ITPKC: variants seen among roughly 807,000 people sequenced by gnomAD.
ITPKC encodes the protein inositol-trisphosphate 3-kinase C.
In ITPKC, 33 loss-of-function variants were observed where a neutral mutation model predicts 67.1. That is an observed-to-expected ratio of 0.49 (90% CI 0.37 to 0.66). The LOEUF (loss-of-function observed/expected upper bound fraction) is 0.66, where lower values mean the gene tolerates loss of function less well. ITPKC is among the 30% of genes least tolerant of loss of function. The probability of loss-of-function intolerance (pLI) is 0.00; values close to 1 mark genes in which losing one functional copy is unlikely to be tolerated. For synonymous variants in ITPKC, 341 were observed against 359.8 expected, an observed-to-expected ratio of 0.95 and a Z score of 0.59; for missense variants, 820 against 892.1, an observed-to-expected ratio of 0.92 and a Z score of 1.03.
chr19:40,720,115 C>T (rs1261510313), intron 1 of ITPKC, among the ~76,000 whole-genome samples: 1 of 152,056 alleles, frequency 6.6e-6, no homozygotes, highest in East Asian at 1.9e-4. Flanking sequence ...CCTGTAATCC[C>T]AGCACTTTGG....
intron 1 of ITPKC, among the ~76,000 whole-genome samples, chr19:40,719,764 T>G (rs1409336615): frequency 6.6e-6 from 1 of 152,102 alleles, no homozygotes; most frequent in Non-Finnish European, 1.5e-5. Flanking sequence ...GTGCTGGAAT[T>G]ACCAGCATGA....
At chr19:40,728,701 C>T (rs771131894) in intron 2 of ITPKC, among the ~76,000 whole-genome samples, 4 of 152,298 alleles carry the variant, frequency 2.6e-5, no homozygotes, top group Non-Finnish European at 5.9e-5. Context: ...AACAGAAATT[C>T]GCCCTTTCCT....
chr19:40,718,391 AC>A, intron 1 of ITPKC, 101 bp downstream of exon 1: 1 of 1,412,754 alleles, frequency 7.1e-7, no homozygotes, highest in Non-Finnish European at 9.3e-7. Context: ...TTAGTTGCCC[AC>A]CAGCAATTTC....
rs200793430 is a variant in ITPKC, at chr19:40,733,318, C to T, written c.1628C>T (p.Thr543Ile). ...CCCCGCTACATGCAGTGGAGGGAAA[C>T]CATGAGCTCCACCTCTACCCTGGGC... ...TKPRYMQWRE[T>I]MSSTSTLGFR... The change falls in exon 4 of 7, where the codon ACC becomes ATC. Residue 543 changes from threonine to isoleucine, a missense_variant. Physicochemically the swap from Thr to Ile is moderately conservative, Grantham distance 89 (BLOSUM62 -1). Transcript: ENST00000263370. 1.3e-4 allele frequency: 214 copies of T among 1,613,512 alleles called. 2 individuals carry two copies. The East Asian group carries it at 4.4e-3, about 33-fold the overall frequency.
At position 40,739,759 on chromosome 19, in the gene ITPKC, T is replaced by C. The variant is rs2082315231; in HGVS notation, c.*199T>C. On this transcript the variant is annotated 3_prime_UTR_variant, in exon 7 of 7. Coordinates refer to ENST00000263370, the MANE Select transcript of ITPKC (RefSeq NM_025194.3). ...CAGGTAGCACCTGGCCCCATCATGA[T>C]GCAGGGGTTTTGGGGACCTGGAAGG... is the stretch of plus-strand genomic sequence containing the variant. 1 of 584,242 alleles carries C rather than the reference T, an allele frequency of 1.7e-6. No homozygotes were observed. Among genetic ancestry groups the C allele is most frequent in the African/African-American group, 1.9e-5 (1 of 53,382 alleles). The allele number at this position is 584,242 out of a possible 1,614,324, so 36.2% of individuals were successfully genotyped here. A position where few individuals can be genotyped will look rare whatever the true frequency, so the allele number is the denominator to read the frequency against.
intron 4 of ITPKC, among the ~76,000 whole-genome samples, chr19:40,735,199 G>A (rs1341473908): frequency 1.3e-5 from 2 of 152,166 alleles, no homozygotes; most frequent in Admixed American, 6.6e-5. Context: ...GATTATAGGC[G>A]TGAGCCACCA....
Position 40,729,434 on chromosome 19 carries a change from TG to T in ITPKC, c.1469+23del. On this transcript the variant is annotated intron_variant, in intron 3 of 6. Transcript: ENST00000263370. The stretch of plus-strand genomic sequence containing the variant: ...GCAGCAGGTGGGGCTGGGGCAGCCC[TG>T]GGGCAGGGATGGAGGGCAGGGGGTG... The T allele has an allele frequency of 6.2e-7, 1 of 1,600,120 alleles. No homozygotes were observed.
chr19:40,728,031 G>A (rs1310473711), intron 2 of ITPKC, among the ~76,000 whole-genome samples: 2 of 152,174 alleles, frequency 1.3e-5, no homozygotes, highest in African/African-American at 4.8e-5. Flanking sequence ...TATAAGAGCA[G>A]GATCAGGAAT....
chr19:40,723,974 C>G (rs1435817626), intron 1 of ITPKC, among the ~76,000 whole-genome samples: 1 of 152,200 alleles, frequency 6.6e-6, no homozygotes, highest in Non-Finnish European at 1.5e-5. Flanking sequence ...CTGCTTCATG[C>G]TGTCTTCACT....
chr19:40,733,433 G>C, intron 4 of ITPKC, 69 bp downstream of exon 4: 1 of 1,460,412 alleles, frequency 6.8e-7, no homozygotes, highest in Admixed American at 2.1e-5. Flanking sequence ...GGGCTTCTTG[G>C]GGAAAGCCAC....
Position 40,739,750 on chromosome 19 carries a change from C to A in ITPKC, c.*190C>A. The A allele has an allele frequency of 1.7e-6, 1 of 589,298 alleles. No homozygotes were observed. Among genetic ancestry groups the A allele is most frequent in the Non-Finnish European group, 3.0e-6 (1 of 331,848 alleles). 36.5% of individuals were successfully genotyped at this position (589,298 alleles called of 1,614,324 possible). A position where few individuals can be genotyped will look rare whatever the true frequency, so the allele number is the denominator to read the frequency against. On this transcript the variant is annotated 3_prime_UTR_variant, in exon 7 of 7. Transcript: ENST00000263370. ...TTGGGAGACCAGGTAGCACCTGGCC[C>A]CATCATGATGCAGGGGTTTTGGGGA...
rs2082199596 is a variant in ITPKC at position 40,717,978 on chromosome 19, C to T, written c.843C>T (p.Ser281=). Residue 281 remains serine (S), a synonymous_variant, in exon 1 of 7, where the codon AGC becomes AGT. Transcript: ENST00000263370. ...CTGATGGCTCCTGGACACAACCTAG[C>T]ACTGACGGTTCCCAGACAGCACCTG... ...QDTDGSWTQP[S]TDGSQTAPGT... The T allele has an allele frequency of 6.2e-7, 1 of 1,614,082 alleles. No homozygotes were observed. Among genetic ancestry groups the T allele is most frequent in the Admixed American group, 1.7e-5 (1 of 60,010 alleles).
intron 4 of ITPKC, among the ~76,000 whole-genome samples, chr19:40,735,740 G>A (rs2082291479): frequency 6.6e-6 from 1 of 152,038 alleles, no homozygotes; most frequent in Non-Finnish European, 1.5e-5. Context: ...CTATTGCCAA[G>A]TGCCCACATA....
chr19:40,724,172 C>T (rs184652581), intron 1 of ITPKC, among the ~76,000 whole-genome samples: 2 of 152,096 alleles, frequency 1.3e-5, no homozygotes, highest in South Asian at 4.1e-4. Context: ...CTTTGGAGAC[C>T]AAGATGGGAG....
Position 40,733,203 on chromosome 19 carries a change from C to T in ITPKC, c.1513C>T (p.Arg505Cys), listed in dbSNP as rs1319543641. Residue 505 changes from arginine (R) to cysteine (C), a missense_variant, in exon 4 of 7, where the codon CGT becomes TGT. This residue lies in a region of ITPKC where 339 missense variants were observed against 422.0 expected (regional missense o/e 0.80). Transcript: ENST00000263370. ...EELVKARERP[R>C]PRKDMYEKMV... ...GCTAGTGAAGGCACGGGAACGTCCC[C>T]GTCCCCGGAAGGACATGTATGAGAA... 3.1e-6 allele frequency: 5 copies of T among 1,614,098 alleles called. No homozygotes were observed. Among genetic ancestry groups the T allele is most frequent in the African/African-American group, 1.3e-5 (1 of 74,940 alleles).
chr19:40,739,387 G>A lies in ITPKC; in HGVS notation c.1879G>A (p.Asp627Asn), dbSNP rs767052439. The A allele has an allele frequency of 1.9e-6, 3 of 1,613,702 alleles. No homozygotes were observed. Among genetic ancestry groups the A allele is most frequent in the Non-Finnish European group, 2.5e-6 (3 of 1,180,026 alleles). The change falls in exon 7 of 7, where the codon GAC (aspartate) becomes AAC (asparagine). Residue 627 changes from aspartate to asparagine, a missense_variant. This residue lies in a region of ITPKC where 339 missense variants were observed against 422.0 expected (regional missense o/e 0.80). Transcript: ENST00000263370. The part of the protein sequence containing the change: ...VVGSSLLFVH[D>N]HTGLAKVWMI... ...AGGCAGCTCCCTCCTCTTCGTGCAC[G>A]ACCACACCGGCCTGGCCAAGGTCTG... is the stretch of plus-strand genomic sequence containing the variant.
At chr19:40,736,751 C>G (rs3745212) in intron 4 of ITPKC, among the ~76,000 whole-genome samples, 1 of 151,806 alleles carries the variant, frequency 6.6e-6, no homozygotes, top group Non-Finnish European at 1.5e-5. Context: ...GTGATCCTCC[C>G]GCCTCGGCCT....
chr19:40,717,494 T>G lies in ITPKC; in HGVS notation c.359T>G (p.Leu120Arg), dbSNP rs1275501019. The G allele has an allele frequency of 6.2e-7, 1 of 1,613,820 alleles. No individual in the cohort carries two copies. The highest frequency in any genetic ancestry group is 2.2e-5 in the East Asian group (1 of 44,868). The part of the protein sequence containing the change: ...KQKTEPDRSS[L>R]RTHLEWSWSE... Reference sequence around the variant, plus strand: ...AAGACGGAGCCAGACAGGTCCAGCCTCCGGACGCATCTAGAATGGAGCTGG... The same window carrying G: ...AAGACGGAGCCAGACAGGTCCAGCCGCCGGACGCATCTAGAATGGAGCTGG... The change falls in exon 1 of 7, where the codon CTC (leucine) becomes CGC (arginine). Residue 120 changes from leucine (L) to arginine (R), a missense_variant. Leu to Arg is a moderately radical substitution (Grantham distance 102). Around this residue, in one of 2 missense-constraint regions of ITPKC, gnomAD observed 481 missense variants for 470.1 expected, o/e 1.02. Transcript: ENST00000263370.
intron 3 of ITPKC, among the ~76,000 whole-genome samples, chr19:40,730,663 C>G (rs185203267): frequency 5.3e-5 from 8 of 152,252 alleles, no homozygotes; most frequent in Non-Finnish European, 1.0e-4. Flanking sequence ...CCCCTGAGCT[C>G]AAGTGATCCT....
Sources: allele counts gnomAD v4.1 joint callset (sites outside exome capture counted in the v4.1 genomes callset), GRCh38; gene constraint gnomAD v4.1.1; regional missense constraint gnomAD v4.1.1; transcripts MANE v1.5; gene names NCBI Gene and HGNC (gene_info 2026-07-23, HGNC 2026-07-21).